Variants in NRG1 observed in about 807,000 individuals in gnomAD.
NRG1 encodes the protein pro-neuregulin-1, membrane-bound isoform.
In NRG1, 18 loss-of-function variants were observed where a neutral mutation model predicts 63.8. That is an observed-to-expected ratio of 0.28 (90% CI 0.19 to 0.42). The LOEUF is 0.42. Among genes scored for constraint, NRG1 ranks in the 10% least tolerant of loss-of-function variants. NRG1 has a pLI of 1.00. For synonymous variants in NRG1, 302 were observed against 301.3 expected (o/e 1.00, Z -0.02); for missense variants, 762 against 814.7 (o/e 0.94, Z 0.79).
At chr8:32,387,947 C>T (rs1001832777) in intron 1 of NRG1, among the ~76,000 whole-genome samples, 1 of 152,174 alleles carries the variant, frequency 6.6e-6, no homozygotes, top group Non-Finnish European at 1.5e-5. Context: ...TAGGAAGCCG[C>T]CTGTCTCCTC....
chr8:31,649,543 A>G (rs1804635647), intron 1 of NRG1, among the ~76,000 whole-genome samples: 1 of 152,168 alleles, frequency 6.6e-6, no homozygotes, highest in Admixed American at 6.5e-5. Flanking sequence ...TCATTTATTC[A>G]ACTCTTAGTT....
At chr8:32,264,885 T>C (rs1850755638) in intron 1 of NRG1, among the ~76,000 whole-genome samples, 1 of 151,884 alleles carries the variant, frequency 6.6e-6, no homozygotes, top group Non-Finnish European at 1.5e-5. Flanking sequence ...CAACAGGGAC[T>C]TGAAGGCTGC....
Position 31,772,468 on chromosome 8 carries a change from C to T in NRG1, c.37+133037C>T, listed in dbSNP as rs76709157. Among the ~76,000 whole-genome samples the T allele has an allele frequency of 1.4e-3, 215 of 152,260 alleles. 2 individuals carry two copies. The highest frequency in any genetic ancestry group is 4.5e-3 in the African/African-American group (185 of 41,556). ...GATTAAACCCAGGCTTATTTTCCTT[C>T]GGATTTTCTCAACAATCCTTCCATC... On this transcript the variant is annotated intron_variant, in intron 1 of 10. Coordinates refer to the NRG1 transcript ENST00000519301.
chr8:31,961,053 C>T (rs1412920264), intron 1 of NRG1, among the ~76,000 whole-genome samples: 1 of 152,024 alleles, frequency 6.6e-6, no homozygotes, highest in South Asian at 2.1e-4. Flanking sequence ...GCAAGACTTG[C>T]GAAGATGATT....
chr8:32,438,977 G>A (rs187065841), intron 1 of NRG1, among the ~76,000 whole-genome samples: 85 of 152,124 alleles, frequency 5.6e-4, no homozygotes, highest in African/African-American at 1.9e-3. Flanking sequence ...CCAGTCCATA[G>A]CTTGTCTTTT....
intron 1 of NRG1, among the ~76,000 whole-genome samples, chr8:32,284,737 C>A (rs1163735970): frequency 6.6e-6 from 1 of 152,096 alleles, no homozygotes; most frequent in African/African-American, 2.4e-5. Context: ...TTTGTAGAGA[C>A]AAAGTTTCAC....
chr8:32,330,886 C>T (rs1802557642), intron 1 of NRG1, among the ~76,000 whole-genome samples: 1 of 152,132 alleles, frequency 6.6e-6, no homozygotes, highest in South Asian at 2.1e-4. Context: ...TATTTGGCTA[C>T]CCATGACATT....
At chr8:31,696,460 A>G (rs1443514286) in intron 1 of NRG1, among the ~76,000 whole-genome samples, 1 of 150,764 alleles carries the variant, frequency 6.6e-6, no homozygotes, top group African/African-American at 2.4e-5. Context: ...ACTAGGAGGG[A>G]AAAAAACTTT....
At chr8:31,642,140 T>C (rs1803854561) in intron 1 of NRG1, among the ~76,000 whole-genome samples, 1 of 152,088 alleles carries the variant, frequency 6.6e-6, no homozygotes, top group Non-Finnish European at 1.5e-5. Context: ...TAGATGTCAC[T>C]CCAAAGCATG....
At chr8:32,728,694 C>T in intron 6 of NRG1, 1 of 971,580 alleles carries the variant, frequency 1.0e-6, no homozygotes, top group Non-Finnish European at 1.2e-6. Flanking sequence ...CAGCAGTGTT[C>T]TTTCATTTGT....
In NRG1 at chr8:32,571,389, G is replaced by C. The variant is rs115641110; in HGVS notation, c.100+22563G>C. ...AACAGCATTTTCTTATCAAAGGTCT[G>C]GGCCTATAGTCAAATAGTCAATGCC... On this transcript the variant is annotated intron_variant, in intron 1 of 11. Transcript: ENST00000356819. Among the ~76,000 whole-genome samples, 99 of 152,232 alleles carry C rather than the reference G, an allele frequency of 6.5e-4. 1 individual carries two copies. The highest frequency in any genetic ancestry group is 2.4e-3 in the African/African-American group (98 of 41,524).
At chr8:32,415,152 A>T (rs939896336) in intron 1 of NRG1, among the ~76,000 whole-genome samples, 1 of 152,044 alleles carries the variant, frequency 6.6e-6, no homozygotes, top group African/African-American at 2.4e-5. Context: ...GGATGTGTAT[A>T]ATCCCAGCAC....
intron 1 of NRG1, among the ~76,000 whole-genome samples, chr8:32,437,301 GT>G (rs926350889): frequency 8.1e-4 from 123 of 151,550 alleles, no homozygotes; most frequent in African/African-American, 2.4e-3. Context: ...CTCCTTTAGT[GT>G]TTTTTTTGTT....
At chr8:32,212,843 A>G (rs913266544) in intron 1 of NRG1, among the ~76,000 whole-genome samples, 1 of 152,156 alleles carries the variant, frequency 6.6e-6, no homozygotes, top group African/African-American at 2.4e-5. Context: ...CTATATTCAT[A>G]TTTGAGATTA....
exon 12 of NRG1, chr8:32,764,069 G>C: frequency 6.2e-7 from 1 of 1,614,046 alleles, no homozygotes; most frequent in South Asian, 1.1e-5. Flanking sequence ...CGACCCAAGA[G>C]TACGAGCCAG....
At chr8:32,718,917 A>T (rs1423695378) in intron 5 of NRG1, among the ~76,000 whole-genome samples, 1 of 152,144 alleles carries the variant, frequency 6.6e-6, no homozygotes, top group African/African-American at 2.4e-5. Flanking sequence ...CTTGATGGTT[A>T]CTACTGGTAT....
chr8:31,901,338 C>T (rs1832061847), intron 1 of NRG1, among the ~76,000 whole-genome samples: 1 of 152,136 alleles, frequency 6.6e-6, no homozygotes, highest in Admixed American at 6.5e-5. Context: ...AAAACTACTT[C>T]TTAAGACAAT....
chr8:32,552,435 T>C (rs749441399), intron 1 of NRG1, among the ~76,000 whole-genome samples: 2 of 152,140 alleles, frequency 1.3e-5, no homozygotes, highest in African/African-American at 2.4e-5. Flanking sequence ...TTTGTGAGTC[T>C]GGGTGATGGA....
chr8:31,749,012 A>T (rs1407914650), intron 1 of NRG1, among the ~76,000 whole-genome samples: 2 of 151,938 alleles, frequency 1.3e-5, no homozygotes, highest in African/African-American at 4.8e-5. Flanking sequence ...AACTGCCTAA[A>T]TGTACAACAT....
Sources: allele counts gnomAD v4.1 joint callset (sites outside exome capture counted in the v4.1 genomes callset), GRCh38; gene constraint gnomAD v4.1.1; transcripts MANE v1.5; gene names NCBI Gene and HGNC (gene_info 2026-07-23, HGNC 2026-07-21).